The following OCA2 variants were observed in gnomAD, a reference collection of about 807,000 sequenced individuals.
The protein encoded by OCA2 is P protein.
In OCA2, 77 loss-of-function variants were observed where a neutral mutation model predicts 100.2. That is an observed-to-expected ratio of 0.77 (90% confidence interval 0.64 to 0.93). The LOEUF (loss-of-function observed/expected upper bound fraction) is 0.93. Ranked by LOEUF, OCA2 falls within the 40% of genes least tolerant of loss-of-function variation. The pLI is 0.00. For missense variants in OCA2, 1,062 were observed against 1,089.1 expected, an observed-to-expected ratio of 0.98 and a Z score of 0.35; for synonymous variants, 432 against 439.2, an observed-to-expected ratio of 0.98 and a Z score of 0.21.
rs572006683 is a variant in OCA2 at position 27,873,631 on chromosome 15, A to G, written c.2080-1709T>C. ...TGTGCACCTCTTGATGTGTACCTAT[A>G]GACATTTATATTTACATATTTAGTG... On this transcript the variant is annotated intron_variant, in intron 19 of 23. Transcript: ENST00000354638. 3.0e-4 allele frequency among the ~76,000 whole-genome samples: 46 copies of G among 152,344 alleles called. No individual in the cohort carries two copies. In the South Asian group the frequency reaches 9.5e-3, roughly 32 times the overall value.
At chr15:27,798,977 C>T (rs946649673) in intron 23 of OCA2, among the ~76,000 whole-genome samples, 1 of 152,176 alleles carries the variant, frequency 6.6e-6, no homozygotes, top group East Asian at 1.9e-4. Flanking sequence ...AAGAGAGAGA[C>T]CAGCTGCAGG....
chr15:28,028,582 C>T (rs2042824585), intron 3 of OCA2, among the ~76,000 whole-genome samples: 1 of 151,904 alleles, frequency 6.6e-6, no homozygotes, highest in African/African-American at 2.4e-5. Context: ...CTATACAGGC[C>T]AAAAATGGGG....
At chr15:27,851,351 C>G (rs529842736) in intron 22 of OCA2, 31 bp downstream of exon 22, 1 of 1,558,670 alleles carries the variant, frequency 6.4e-7, no homozygotes, top group Non-Finnish European at 8.8e-7. Flanking sequence ...GGGCGTGCAC[C>G]CCCACCCCCA....
chr15:28,057,385 C>T (rs1358184713), intron 2 of OCA2, among the ~76,000 whole-genome samples: 1 of 152,122 alleles, frequency 6.6e-6, no homozygotes, highest in Non-Finnish European at 1.5e-5. Context: ...CGGCCCTCAA[C>T]ATAATAGCAG....
At chr15:27,891,346 T>G (rs773843442) in intron 19 of OCA2, among the ~76,000 whole-genome samples, 3 of 152,060 alleles carry the variant, frequency 2.0e-5, no homozygotes, top group Non-Finnish European at 4.4e-5. Context: ...CTGTAAAAAA[T>G]GTTCAAGTAA....
chr15:28,078,041 T>G lies in OCA2; in HGVS notation c.227+3607A>C, dbSNP rs537529635. On this transcript the variant is annotated intron_variant, in intron 2 of 23. Coordinates refer to ENST00000354638, the MANE Select transcript of OCA2 (RefSeq NM_000275.3). ...TTGCAGTGAGCCGAGATTGCACCACTGCACTCCAGCCTGGGTGACAACGTT... is the reference window on the plus strand; with the variant it reads ...TTGCAGTGAGCCGAGATTGCACCACGGCACTCCAGCCTGGGTGACAACGTT... Among the ~76,000 whole-genome samples, 20 of 152,328 alleles carry G rather than the reference T, an allele frequency of 1.3e-4. No individual in the cohort carries two copies. The East Asian group carries it at 1.4e-3, about 10-fold the overall frequency.
rs1232454868 is a variant in OCA2 at position 28,042,339 on chromosome 15, C to A, written c.228-10176G>T. The stretch of plus-strand genomic sequence containing the variant: ...TGAAGAAACTCTTATTTTAAAAATG[C>A]CTTCGGGCCAGGTGCGGTGGCTCAC... On this transcript the variant is annotated intron_variant, in intron 2 of 23. Coordinates refer to ENST00000354638, the MANE Select transcript of OCA2 (RefSeq NM_000275.3). 3.3e-5 allele frequency among the ~76,000 whole-genome samples: 5 copies of A among 152,072 alleles called. No homozygotes were observed. The South Asian group carries it at 1.0e-3, about 32-fold the overall frequency.
At chr15:28,021,386 C>T (rs899119607) in intron 6 of OCA2, among the ~76,000 whole-genome samples, 2 of 152,216 alleles carry the variant, frequency 1.3e-5, no homozygotes, top group African/African-American at 4.8e-5. Flanking sequence ...CAGAATAAGG[C>T]TGCAGCAGAA....
intron 9 of OCA2, among the ~76,000 whole-genome samples, chr15:28,009,986 G>C (rs2042196603): frequency 6.6e-6 from 1 of 152,022 alleles, no homozygotes; most frequent in Non-Finnish European, 1.5e-5. Flanking sequence ...GAAAATTATA[G>C]TAATAAACGC....
At chr15:27,851,014 C>T (rs1399470592) in intron 22 of OCA2, among the ~76,000 whole-genome samples, 2 of 152,174 alleles carry the variant, frequency 1.3e-5, no homozygotes, top group African/African-American at 4.8e-5. Flanking sequence ...TCTAGCTGAC[C>T]CATTTGTCCC....
chr15:27,770,215 C>G (rs572640285), intron 23 of OCA2, among the ~76,000 whole-genome samples: 1 of 152,248 alleles, frequency 6.6e-6, no homozygotes, highest in African/African-American at 2.4e-5. Flanking sequence ...TCCAGGCGGG[C>G]GGAGGGAAGG....
intron 8 of OCA2, 42 bp from the exon 9 acceptor site, chr15:28,014,971 A>G: frequency 6.2e-7 from 1 of 1,603,952 alleles, no homozygotes; most frequent in Non-Finnish European, 8.5e-7. Context: ...CAAGGTCAAC[A>G]GTTAGGGGAC....
rs1179079179 is a variant in OCA2, at chr15:27,985,185, A to T, written c.1243T>A (p.Tyr415Asn). The T allele has an allele frequency of 6.2e-7, 1 of 1,613,752 alleles. No individual in the cohort carries two copies. Among genetic ancestry groups the T allele is most frequent in the African/African-American group, 1.3e-5 (1 of 75,072 alleles). ...GFFDYCAVKA[Y>N]RLSRGRVWAM... is the part of the protein sequence containing the mutation. Reference sequence around the variant, plus strand: ...CACACCCGTCCCCGGGAGAGCCGGTATGCCTGGCCACACACACACAGAGAG... The same window carrying T: ...CACACCCGTCCCCGGGAGAGCCGGTTTGCCTGGCCACACACACACAGAGAG... Residue 415 changes from tyrosine to asparagine, a missense_variant, in exon 13 of 24, where the codon TAC becomes AAC. Transcript: ENST00000354638.
chr15:27,861,132 T>C (rs1412890388), intron 21 of OCA2, among the ~76,000 whole-genome samples: 3 of 151,708 alleles, frequency 2.0e-5, no homozygotes, highest in African/African-American at 7.3e-5. Flanking sequence ...GGGACAGGAG[T>C]ATAGATGGCA....
Position 27,988,921 on chromosome 15 carries a change from C to T in OCA2, c.1182+680G>A, listed in dbSNP as rs181629896. Among the ~76,000 whole-genome samples the T allele has an allele frequency of 8.7e-4, 133 of 152,214 alleles. 1 individual carries two copies. The highest frequency in any genetic ancestry group is 1.3e-3 in the Non-Finnish European group (87 of 68,008). On this transcript the variant is annotated intron_variant, in intron 11 of 23. Coordinates refer to ENST00000354638, the MANE Select transcript of OCA2 (RefSeq NM_000275.3). ...TTATGTCAGCCAGCCTTGGGAGGGA[C>T]GAAATGTTGGCAAGGAAAATGAGGA...
At chr15:27,825,090 A>G (rs766205632) in intron 23 of OCA2, among the ~76,000 whole-genome samples, 10 of 152,190 alleles carry the variant, frequency 6.6e-5, no homozygotes, top group Non-Finnish European at 1.3e-4. Context: ...AAATTATCAC[A>G]TTAGACACAA....
At chr15:28,009,684 T>TCACACACACACA (rs747425942) in intron 9 of OCA2, among the ~76,000 whole-genome samples, 10 of 138,110 alleles carry the variant, frequency 7.2e-5, no homozygotes, top group South Asian at 2.5e-4. Flanking sequence ...CGAGATTCTG[T>TCACACACACACA]CACACACACA....
chr15:28,065,512 G>A (rs2043997962), intron 2 of OCA2, among the ~76,000 whole-genome samples: 1 of 152,118 alleles, frequency 6.6e-6, no homozygotes, highest in Non-Finnish European at 1.5e-5. Context: ...CCTTCAGTGA[G>A]CCCACAGACA....
chr15:27,809,543 G>C (rs2033992749), intron 23 of OCA2, among the ~76,000 whole-genome samples: 1 of 152,180 alleles, frequency 6.6e-6, no homozygotes, highest in African/African-American at 2.4e-5. Flanking sequence ...GAGAAAGAAA[G>C]AAGGGTATCC....
Sources: allele counts gnomAD v4.1 joint callset (sites outside exome capture counted in the v4.1 genomes callset), GRCh38; gene constraint gnomAD v4.1.1; transcripts MANE v1.5; gene names NCBI Gene and HGNC (gene_info 2026-07-23, HGNC 2026-07-21).